Variants in THADA observed in about 807,000 individuals in gnomAD.
THADA encodes the protein THADA armadillo repeat containing.
THADA carries 213 observed loss-of-function variants against 219.8 expected under a neutral mutation model. The ratio of observed to expected loss-of-function variants is 0.97; its 90% confidence interval spans 0.87 to 1.09. The LOEUF (loss-of-function observed/expected upper bound fraction) is 1.09. Ranked by LOEUF, THADA falls within the 50% of genes least tolerant of loss-of-function variation. The probability of loss-of-function intolerance (pLI) is 0.00; values close to 1 mark genes in which losing one functional copy is unlikely to be tolerated. For synonymous variants in THADA, 1,018 were observed against 828.9 expected (o/e 1.23, Z -3.92); for missense variants, 2,956 against 2,311.3 (o/e 1.28, Z -5.72).
chr2:43,473,606 G>A (rs960910743), intron 26 of THADA, among the ~76,000 whole-genome samples: 2 of 151,778 alleles, frequency 1.3e-5, no homozygotes, highest in African/African-American at 2.4e-5. Flanking sequence ...GTACATAATC[G>A]TACATGTTAG....
intron 21 of THADA, among the ~76,000 whole-genome samples, chr2:43,533,872 G>A (rs1331257416): frequency 1.3e-5 from 2 of 152,036 alleles, no homozygotes; most frequent in Non-Finnish European, 2.9e-5. Context: ...CAAACCTCAC[G>A]TTCAGCACAT....
Position 43,566,760 on chromosome 2 carries a change from G to A in THADA, c.2249C>T (p.Ser750Leu), listed in dbSNP as rs765220619. The A allele has an allele frequency of 4.3e-5, 68 of 1,571,960 alleles. No homozygotes were observed. Among genetic ancestry groups the A allele is most frequent in the East Asian group, 2.7e-4 (12 of 44,284 alleles). The change falls in exon 15 of 38, where the codon TCG becomes TTG. Residue 750 changes from serine to leucine, a missense_variant. Physicochemically the swap from Ser to Leu is moderately radical, Grantham distance 145. Transcript: ENST00000405975. ...FEALFPGSSY[S>L]TRFSALTILG... ...AATGGTTAAAGCTGAAAATCTAGTC[G>A]AGTAGGAAGATCCAGGAAACAATGC... is the stretch of plus-strand genomic sequence containing the variant.
At chr2:43,463,846 G>C (rs1314945521) in intron 26 of THADA, among the ~76,000 whole-genome samples, 1 of 152,146 alleles carries the variant, frequency 6.6e-6, no homozygotes. Flanking sequence ...AGAGCAGGAT[G>C]GTTTCCTCTC....
chr2:43,559,604 T>C (rs920301903), intron 16 of THADA, among the ~76,000 whole-genome samples: 1 of 152,082 alleles, frequency 6.6e-6, no homozygotes, highest in Non-Finnish European at 1.5e-5. Context: ...GGTCTGGAAG[T>C]CCCCTGCAGA....
chr2:43,302,152 G>A (rs1369118125), intron 31 of THADA, among the ~76,000 whole-genome samples: 1 of 151,958 alleles, frequency 6.6e-6, no homozygotes, highest in African/African-American at 2.4e-5. Flanking sequence ...ATAGGTGCAT[G>A]CCACCACACC....
At chr2:43,360,062 A>G (rs572446367) in intron 29 of THADA, among the ~76,000 whole-genome samples, 5 of 152,250 alleles carry the variant, frequency 3.3e-5, no homozygotes, top group African/African-American at 1.2e-4. Flanking sequence ...TTATCAGTCT[A>G]TTACAAAGAT....
At position 43,566,824 on chromosome 2, in the gene THADA, T is replaced by TGA; in HGVS notation, c.2188-4_2188-3insTC. The TGA allele has an allele frequency of 8.3e-7, 1 of 1,204,138 alleles. No individual in the cohort carries two copies. The highest frequency in any genetic ancestry group is 2.9e-5 in the East Asian group (1 of 33,954). 74.6% of individuals were successfully genotyped at this position (1,204,138 alleles called of 1,614,324 possible). ...TTACAAATGGATGACATGAAATTCT[T>TGA]AAAAAAAAAAAAAAAATTACAGTAA... On this transcript the variant is annotated splice_region_variant and splice_polypyrimidine_tract_variant and intron_variant, in intron 14 of 37. Transcript: ENST00000405975.
intron 31 of THADA, among the ~76,000 whole-genome samples, chr2:43,300,876 C>T (rs1419508583): frequency 6.6e-6 from 1 of 152,202 alleles, no homozygotes; most frequent in Non-Finnish European, 1.5e-5. Context: ...GCTGCCTCGA[C>T]CTCACCCCAG....
Position 43,489,874 on chromosome 2 carries a change from C to CAAAAAAAAAAAAAAAA in THADA, c.3745-4565_3745-4550dup, listed in dbSNP as rs201735523. Among the ~76,000 whole-genome samples, 177 of 56,042 alleles carry CAAAAAAAAAAAAAAAA rather than the reference C, an allele frequency of 3.2e-3. 23 individuals are homozygous for CAAAAAAAAAAAAAAAA. The highest frequency in any genetic ancestry group is 9.1e-3 in the African/African-American group (136 of 15,004). 36.8% of individuals were successfully genotyped at this position (56,042 alleles called of 152,430 possible). On this transcript the variant is annotated intron_variant, in intron 25 of 37. Transcript: ENST00000405975. ...ATTTCCATATGTATTTTAAGATCTG[C>CAAAAAAAAAAAAAAAA]AAAAAAAAAAAAAAAAAAAAGCTAG...
intron 36 of THADA, among the ~76,000 whole-genome samples, chr2:43,248,158 TATATATAG>T (rs1267024590): frequency 2.9e-3 from 192 of 65,130 alleles, no homozygotes; most frequent in South Asian, 4.2e-3. Context: ...TATATATATA[TATATATAG>T]AGAGAGAGAG....
intron 26 of THADA, among the ~76,000 whole-genome samples, chr2:43,433,427 G>A (rs1380777238): frequency 6.6e-6 from 1 of 151,974 alleles, no homozygotes; most frequent in East Asian, 2.0e-4. Flanking sequence ...TACTCTGGAG[G>A]CTGAGGCAGG....
At chr2:43,437,589 T>C (rs1222988556) in intron 26 of THADA, among the ~76,000 whole-genome samples, 2 of 152,210 alleles carry the variant, frequency 1.3e-5, no homozygotes, top group Non-Finnish European at 2.9e-5. Context: ...AACAGTGTGA[T>C]GTATTCATGG....
chr2:43,248,304 A>G (rs1259431779), intron 36 of THADA, among the ~76,000 whole-genome samples: 3 of 150,708 alleles, frequency 2.0e-5, no homozygotes, highest in Admixed American at 2.0e-4. Flanking sequence ...ATCTCGGTTC[A>G]GTGCAACCTC....
intron 26 of THADA, among the ~76,000 whole-genome samples, chr2:43,465,741 C>T (rs1684152767): frequency 6.6e-6 from 1 of 152,144 alleles, no homozygotes; most frequent in Non-Finnish European, 1.5e-5. Flanking sequence ...CTACGGATGA[C>T]TCCTTCATCT....
In THADA at chr2:43,570,401, A is replaced by C; in HGVS notation, c.2174T>G (p.Leu725Ter). 6.2e-7 allele frequency: 1 copy of C among 1,612,028 alleles called. No individual in the cohort carries two copies. The highest frequency in any genetic ancestry group is 8.5e-7 in the Non-Finnish European group (1 of 1,179,288). The change falls in exon 14 of 38, where the codon TTA becomes TGA. Residue 725 changes from leucine to a stop codon, truncating the protein, a stop_gained. Coordinates refer to ENST00000405975, the MANE Select transcript of THADA (RefSeq NM_022065.5). LOFTEE classifies it high-confidence loss of function. Reference sequence around the variant, plus strand: ...TATATCACCTACCTTATACTGCTGTAAAGAAACAGAAGGGTGCTGTTTGGT... The same window carrying C: ...TATATCACCTACCTTATACTGCTGTCAAGAAACAGAAGGGTGCTGTTTGGT... ...ELTKQHPSVS[L>*]QQYKNFMSSI...
At chr2:43,517,243 T>C (rs1691835507) in intron 22 of THADA, among the ~76,000 whole-genome samples, 1 of 152,166 alleles carries the variant, frequency 6.6e-6, no homozygotes, top group South Asian at 2.1e-4. Context: ...TTACTATTAA[T>C]AAACTGCTTT....
At chr2:43,586,622 A>G in intron 6 of THADA, 80 bp downstream of exon 6, 1 of 1,481,240 alleles carries the variant, frequency 6.8e-7, no homozygotes, top group Non-Finnish European at 9.2e-7. Flanking sequence ...ACCTATTACC[A>G]AGAAACTTAA....
chr2:43,477,902 A>T (rs558892638), intron 26 of THADA, among the ~76,000 whole-genome samples: 1 of 152,354 alleles, frequency 6.6e-6, no homozygotes, highest in East Asian at 1.9e-4. Flanking sequence ...TGTTTATGTT[A>T]CATGATCCCA....
intron 36 of THADA, among the ~76,000 whole-genome samples, chr2:43,242,990 A>C (rs1668770193): frequency 6.6e-6 from 1 of 152,118 alleles, no homozygotes; most frequent in African/African-American, 2.4e-5. Flanking sequence ...GACTTCTCCT[A>C]ATGTGAAGGG....
Sources: gnomAD v4.1 joint callset for allele counts (sites outside exome capture counted in the v4.1 genomes callset) on GRCh38, gnomAD v4.1.1 for gene constraint, MANE v1.5 for transcripts, NCBI Gene and HGNC (gene_info 2026-07-23, HGNC 2026-07-21) for gene names.